Variants in CNGB1 observed in about 807,000 individuals in gnomAD.
CNGB1 encodes cyclic nucleotide gated channel subunit beta 1.
A neutral mutation model predicts 151.7 loss-of-function variants in CNGB1; 126 were observed. The ratio of observed to expected loss-of-function variants is 0.83; its 90% CI spans 0.72 to 0.96. The LOEUF (loss-of-function observed/expected upper bound fraction) is 0.96, where lower values mean the gene tolerates loss of function less well. Among genes scored for constraint, CNGB1 ranks in the 40% least tolerant of loss-of-function variants. The pLI is 0.00. For synonymous variants in CNGB1, 623 were observed against 635.1 expected (o/e 0.98, Z 0.29); for missense variants, 1,698 against 1,627.0 (o/e 1.04, Z -0.75).
chr16:57,970,569 T>C (rs1323363125), intron 1 of CNGB1, among the ~76,000 whole-genome samples: 2 of 152,230 alleles, frequency 1.3e-5, no homozygotes, highest in Non-Finnish European at 1.5e-5. Context: ...GGGCCAGGCC[T>C]GTAGACCCTT....
chr16:57,943,108 A>G (rs1432347014), intron 14 of CNGB1, among the ~76,000 whole-genome samples: 1 of 152,194 alleles, frequency 6.6e-6, no homozygotes, highest in Non-Finnish European at 1.5e-5. Context: ...AACACCCTAC[A>G]GAACGGGAGA....
chr16:57,897,681 A>G (rs1960271878), intron 30 of CNGB1, 115 bp downstream of exon 30: 1 of 1,517,238 alleles, frequency 6.6e-7, no homozygotes, highest in Non-Finnish European at 9.1e-7. Context: ...CCCCGCATAC[A>G]TCAGCAGGTG....
rs59362244 is a variant in CNGB1 at position 57,945,241 on chromosome 16, A to G, written c.1121+4112T>C. On this transcript the variant is annotated intron_variant, in intron 14 of 32. Coordinates refer to ENST00000251102, the MANE Select transcript of CNGB1 (RefSeq NM_001297.5). ...GTATTTTGGAGACTGTGCCTTCTAC[A>G]CTAAGGAGAAGTCAGCCTTGCACAA... Among the ~76,000 whole-genome samples, 853 of 152,314 alleles carry G rather than the reference A, an allele frequency of 5.6e-3. 16 individuals are homozygous for G. Among genetic ancestry groups the G allele is most frequent in the Admixed American group, 0.023 (356 of 15,302 alleles).
At chr16:57,887,827 G>C (rs564430138) in intron 32 of CNGB1, 28 bp downstream of exon 32, 2 of 1,606,240 alleles carry the variant, frequency 1.2e-6, no homozygotes, top group Non-Finnish European at 8.5e-7. Flanking sequence ...TGAAATGAAC[G>C]TGGTGGCTGG....
intron 30 of CNGB1, 85 bp downstream of exon 30, chr16:57,897,711 G>A: frequency 6.5e-7 from 1 of 1,527,542 alleles, no homozygotes; most frequent in Non-Finnish European, 9.1e-7. Flanking sequence ...CATCTACCAA[G>A]CCGTAGACAC....
intron 14 of CNGB1, among the ~76,000 whole-genome samples, chr16:57,947,692 A>C (rs1961843357): frequency 6.6e-6 from 1 of 152,204 alleles, no homozygotes. Flanking sequence ...GATGGACTAA[A>C]AGCAGCTGAC....
At chr16:57,957,257 CCCCTG>C in intron 12 of CNGB1, 79 bp downstream of exon 12, 1 of 1,329,360 alleles carries the variant, frequency 7.5e-7, no homozygotes, top group Non-Finnish European at 1.1e-6. Context: ...AGGGACAGCC[CCCCTG>C]CCCACATACA....
chr16:57,945,128 C>T (rs556065491), intron 14 of CNGB1, among the ~76,000 whole-genome samples: 135 of 152,118 alleles, frequency 8.9e-4, no homozygotes, highest in African/African-American at 3.1e-3. Flanking sequence ...ACGGTCATAC[C>T]GCCTGTGCAA....
Position 57,903,993 on chromosome 16 carries a change from G to A in CNGB1, c.2635-12C>T. ...ACCACATCTCTCATCTGGGGGAAGG[G>A]TTATGGGAGGTCAAGGAAGCCACTG... On this transcript the variant is annotated splice_polypyrimidine_tract_variant and intron_variant, in intron 26 of 32. Transcript: ENST00000251102. 1.2e-6 allele frequency: 2 copies of A among 1,612,500 alleles called. No individual in the cohort carries two copies. Among genetic ancestry groups the A allele is most frequent in the South Asian group, 1.1e-5 (1 of 90,896 alleles).
chr16:57,940,724 T>C (rs1961647035), intron 14 of CNGB1, among the ~76,000 whole-genome samples: 1 of 152,060 alleles, frequency 6.6e-6, no homozygotes, highest in South Asian at 2.1e-4. Context: ...CTCCAGGCAA[T>C]CTTGGTGATG....
At chr16:57,884,631 A>G (rs1959861784) in intron 32 of CNGB1, among the ~76,000 whole-genome samples, 174 bp from the exon 33 acceptor site, 1 of 152,082 alleles carries the variant, frequency 6.6e-6, no homozygotes, top group Non-Finnish European at 1.5e-5. Flanking sequence ...TAGGAGAAAC[A>G]AAATACATTA....
chr16:57,919,929 G>T (rs531416384), intron 19 of CNGB1, among the ~76,000 whole-genome samples: 1 of 152,160 alleles, frequency 6.6e-6, no homozygotes, highest in Non-Finnish European at 1.5e-5. Flanking sequence ...CCTGACAAGA[G>T]ATCATGTGTC....
intron 2 of CNGB1, 148 bp downstream of exon 2, chr16:57,966,980 C>T (rs1019677048): frequency 9.3e-6 from 10 of 1,075,936 alleles, no homozygotes; most frequent in Non-Finnish European, 1.4e-5. Flanking sequence ...TTTTCTCACT[C>T]GAACAAGTGT....
At position 57,964,186 on chromosome 16, in the gene CNGB1, G is replaced by C. The variant is rs754313759; in HGVS notation, c.234C>G (p.Ala78=). The C allele has an allele frequency of 6.2e-7, 1 of 1,614,120 alleles. No homozygotes were observed. The highest frequency in any genetic ancestry group is 2.2e-5 in the East Asian group (1 of 44,876). Residue 78 remains alanine, a synonymous_variant, in exon 4 of 33, where the codon GCC becomes GCG. Coordinates refer to ENST00000251102, the MANE Select transcript of CNGB1 (RefSeq NM_001297.5). ...DPSPQETKEA[A]LTSTISLRAQ... is the part of the protein sequence containing the mutation. ...CCCGGAGGGATATGGTGGAAGTAAGGGCAGCCTCCTTGGTCTCTGGAAAAG... is the reference window on the plus strand; with the variant it reads ...CCCGGAGGGATATGGTGGAAGTAAGCGCAGCCTCCTTGGTCTCTGGAAAAG...
At chr16:57,895,493 A>G (rs1428708495) in intron 31 of CNGB1, among the ~76,000 whole-genome samples, 3 of 150,810 alleles carry the variant, frequency 2.0e-5, no homozygotes. Context: ...GTTGGCATAT[A>G]CATGTATATG....
chr16:57,916,360 A>G (rs1960868665), intron 21 of CNGB1, among the ~76,000 whole-genome samples, 181 bp from the exon 22 acceptor site: 1 of 152,060 alleles, frequency 6.6e-6, no homozygotes, highest in African/African-American at 2.4e-5. Flanking sequence ...CCCAGGGAGG[A>G]GGGATCTGTT....
chr16:57,934,264 T>G (rs1433121584), intron 16 of CNGB1, among the ~76,000 whole-genome samples: 4 of 151,754 alleles, frequency 2.6e-5, no homozygotes, highest in African/African-American at 9.7e-5. Context: ...CTGAGCAACA[T>G]AGCAAAACCC....
intron 24 of CNGB1, among the ~76,000 whole-genome samples, chr16:57,912,210 C>G (rs528763752): frequency 2.4e-4 from 37 of 152,008 alleles, no homozygotes; most frequent in Middle Eastern, 3.2e-3. Flanking sequence ...TGGACAGGAG[C>G]CTTGCTCCCT....
At position 57,901,424 on chromosome 16, in the gene CNGB1, C is replaced by A; in HGVS notation, c.2904G>T (p.Arg968=). The part of the protein sequence containing the change: ...SKVALFQGCD[R]QMIFDMLKRL... ...TCTTCAGCATGTCAAAGATCATCTG[C>A]CGGTCACAGCCCTGTCCCGGTGAGG... is the stretch of plus-strand genomic sequence containing the variant. The change falls in exon 29 of 33, where the codon CGG becomes CGT. Residue 968 remains arginine (R), a synonymous_variant. Transcript: ENST00000251102. The A allele has an allele frequency of 3.1e-6, 5 of 1,614,170 alleles. No individual in the cohort carries two copies. The highest frequency in any genetic ancestry group is 4.2e-6 in the Non-Finnish European group (5 of 1,180,022).
Sources: gnomAD v4.1 joint callset for allele counts (sites outside exome capture counted in the v4.1 genomes callset) on GRCh38, gnomAD v4.1.1 for gene constraint, MANE v1.5 for transcripts, NCBI Gene and HGNC (gene_info 2026-07-23, HGNC 2026-07-21) for gene names.